Variants in TARS3 observed in about 807,000 individuals in gnomAD.
TARS3 encodes threonyl-tRNA synthetase 3.
A neutral mutation model predicts 103.5 loss-of-function variants in TARS3; 94 were observed. That is an observed-to-expected ratio of 0.91 (90% CI 0.77 to 1.08). TARS3 has a LOEUF of 1.08. TARS3 is among the 50% of genes least tolerant of loss of function. The probability of loss-of-function intolerance (pLI) is 0.00; values close to 1 mark genes in which losing one functional copy is unlikely to be tolerated. For synonymous variants in TARS3, 416 were observed against 355.4 expected (o/e 1.17, Z -1.92); for missense variants, 952 against 995.2 (o/e 0.96, Z 0.58).
chr15:101,719,287 G>C (rs1900323670), intron 3 of TARS3, among the ~76,000 whole-genome samples: 1 of 152,230 alleles, frequency 6.6e-6, no homozygotes, highest in Non-Finnish European at 1.5e-5. Context: ...GAGCAGACTT[G>C]TCTATCAGTT....
chr15:101,711,630 C>T (rs1440372425), intron 5 of TARS3, among the ~76,000 whole-genome samples: 1 of 152,194 alleles, frequency 6.6e-6, no homozygotes, highest in African/African-American at 2.4e-5. Context: ...ATATGATACA[C>T]CTAAGATACA....
At chr15:101,712,044 G>A (rs2141446356) in intron 4 of TARS3, 43 bp from the exon 5 acceptor site, 2 of 1,572,082 alleles carry the variant, frequency 1.3e-6, no homozygotes, top group East Asian at 2.3e-5. Context: ...CCAAAAGTAT[G>A]TCATGGAAAA....
intron 11 of TARS3, among the ~76,000 whole-genome samples, chr15:101,684,830 C>T (rs1433449487): frequency 6.6e-6 from 1 of 152,174 alleles, no homozygotes; most frequent in Non-Finnish European, 1.5e-5. Flanking sequence ...TCTAAGCCAC[C>T]GTGGTCTTGC....
intron 13 of TARS3, 64 bp downstream of exon 13, chr15:101,675,536 T>C: frequency 6.7e-7 from 1 of 1,499,610 alleles, no homozygotes; most frequent in Non-Finnish European, 9.1e-7. Flanking sequence ...CTGTGAAGAC[T>C]GCAGCCTCTC....
At chr15:101,702,845 A>G (rs1899350694) in intron 8 of TARS3, among the ~76,000 whole-genome samples, 1 of 152,250 alleles carries the variant, frequency 6.6e-6, no homozygotes, top group African/African-American at 2.4e-5. Context: ...CAATCTTAAA[A>G]TGGATTCTAA....
chr15:101,686,117 T>C (rs2141408704), intron 10 of TARS3, 55 bp from the exon 11 acceptor site: 2 of 1,470,364 alleles, frequency 1.4e-6, no homozygotes, highest in South Asian at 2.7e-5. Flanking sequence ...CACAATTCCA[T>C]GCAAAGTAAC....
intron 3 of TARS3, among the ~76,000 whole-genome samples, chr15:101,720,839 A>C (rs1310296735): frequency 6.6e-6 from 1 of 152,120 alleles, no homozygotes; most frequent in African/African-American, 2.4e-5. Context: ...TGGTTTTATA[A>C]GGGGTTTTCC....
chr15:101,723,687 CA>C (rs997595825), intron 1 of TARS3, among the ~76,000 whole-genome samples: 1 of 151,724 alleles, frequency 6.6e-6, no homozygotes, highest in African/African-American at 2.4e-5. Flanking sequence ...ACTTCTCGTC[CA>C]AAAAAAACCC....
At chr15:101,676,064 A>G (rs1402133940) in intron 12 of TARS3, among the ~76,000 whole-genome samples, 1 of 152,214 alleles carries the variant, frequency 6.6e-6, no homozygotes, top group Non-Finnish European at 1.5e-5. Flanking sequence ...GCGGAAGCTC[A>G]GGAGCTCTGT....
At chr15:101,688,813 GAAGC>G (rs1226448629) in intron 10 of TARS3, among the ~76,000 whole-genome samples, 4 of 152,150 alleles carry the variant, frequency 2.6e-5, no homozygotes, top group African/African-American at 9.7e-5. Context: ...GAGAAACCCA[GAAGC>G]AAGCTACTTT....
At position 101,724,229 on chromosome 15, in the gene TARS3, C is replaced by T; in HGVS notation, c.159G>A (p.Glu53=). Residue 53 remains glutamate (E), a synonymous_variant, in exon 1 of 19, where the codon GAG becomes GAA. Transcript: ENST00000335968. ...CQAEGPCLTR[E]VAQLRAENCD... is the part of the protein sequence containing the mutation. Reference sequence around the variant, plus strand: ...AGTTCTCGGCCCGGAGCTGCGCCACCTCCCGCGTGAGGCACGGCCCCTCCG... The same window carrying T: ...AGTTCTCGGCCCGGAGCTGCGCCACTTCCCGCGTGAGGCACGGCCCCTCCG... The T allele has an allele frequency of 6.5e-7, 1 of 1,547,110 alleles. No individual in the cohort carries two copies. The highest frequency in any genetic ancestry group is 8.7e-7 in the Non-Finnish European group (1 of 1,153,864).
chr15:101,694,541 A>G (rs1402322996), intron 10 of TARS3, among the ~76,000 whole-genome samples: 1 of 152,214 alleles, frequency 6.6e-6, no homozygotes, highest in African/African-American at 2.4e-5. Context: ...GGTGACTAAC[A>G]GAACCAACTG....
intron 10 of TARS3, among the ~76,000 whole-genome samples, chr15:101,691,105 A>AT (rs1898698461): frequency 6.7e-6 from 1 of 150,172 alleles, no homozygotes; most frequent in African/African-American, 2.5e-5. Flanking sequence ...CGCCTGGCTA[A>AT]TTTTTTTGCA....
At chr15:101,692,104 T>C (rs971561547) in intron 10 of TARS3, among the ~76,000 whole-genome samples, 3 of 152,258 alleles carry the variant, frequency 2.0e-5, no homozygotes, top group Non-Finnish European at 2.9e-5. Flanking sequence ...ACTTTCCATA[T>C]GGTTTCTGAT....
intron 8 of TARS3, among the ~76,000 whole-genome samples, chr15:101,703,204 G>A (rs1436777346): frequency 2.0e-5 from 3 of 152,124 alleles, no homozygotes; most frequent in African/African-American, 4.8e-5. Context: ...TCTTTATGCC[G>A]CAATACATTA....
rs1011381167 is a variant in TARS3 at position 101,723,144 on chromosome 15, T to C, written c.318A>G (p.Gln106=). The change falls in exon 2 of 19, where the codon CAA becomes CAG. Residue 106 remains glutamine, a synonymous_variant. Transcript: ENST00000335968. Reference sequence around the variant, plus strand: ...TTTTCTTCTTTTTCATGTCCTTGTCTTGGCTTTGACTAGGAGGAGGCTGAA... The same window carrying C: ...TTTTCTTCTTTTTCATGTCCTTGTCCTGGCTTTGACTAGGAGGAGGCTGAA... ...AGAQPPPSQS[Q]DKDMKKKKMK... 6.2e-7 allele frequency: 1 copy of C among 1,614,144 alleles called. No homozygotes were observed. The highest frequency in any genetic ancestry group is 8.5e-7 in the Non-Finnish European group (1 of 1,179,996).
chr15:101,674,874 G>A (rs1040733740), intron 13 of TARS3, among the ~76,000 whole-genome samples: 1 of 152,008 alleles, frequency 6.6e-6, no homozygotes, highest in African/African-American at 2.4e-5. Flanking sequence ...GAACAGATAC[G>A]TGTCCTTAAC....
chr15:101,706,910 T>C (rs373806355), intron 6 of TARS3, among the ~76,000 whole-genome samples: 1 of 152,232 alleles, frequency 6.6e-6, no homozygotes, highest in African/African-American at 2.4e-5. Flanking sequence ...CAGAATTAAA[T>C]ATTTGCAAAT....
chr15:101,705,711 C>T lies in TARS3; in HGVS notation c.967G>A (p.Val323Ile), dbSNP rs1254997672. ...KFKCRILNEK[V>I]NTATTTVYRC... Reference sequence around the variant, plus strand: ...TACACGGTGGTAGTTGCAGTGTTAACTTTCTCATTCAGAATGCGGCATTTA... The same window carrying T: ...TACACGGTGGTAGTTGCAGTGTTAATTTTCTCATTCAGAATGCGGCATTTA... Residue 323 changes from valine to isoleucine, a missense_variant, in exon 7 of 19, where the codon GTT (valine) becomes ATT (isoleucine). This residue lies in a region of TARS3 where 540 missense variants were observed against 631.0 expected (regional missense o/e 0.86). Transcript: ENST00000335968. 6.2e-7 allele frequency: 1 copy of T among 1,611,444 alleles called. No individual in the cohort carries two copies. The highest frequency in any genetic ancestry group is 8.5e-7 in the Non-Finnish European group (1 of 1,178,472).
Sources: gnomAD v4.1 joint callset for allele counts (sites outside exome capture counted in the v4.1 genomes callset) on GRCh38, gnomAD v4.1.1 for gene constraint, gnomAD v4.1.1 regional missense constraint, MANE v1.5 for transcripts, NCBI Gene and HGNC (gene_info 2026-07-23, HGNC 2026-07-21) for gene names.